Variants in PEAK1 observed in about 807,000 individuals in gnomAD.
PEAK1 encodes pseudopodium enriched atypical kinase 1, also known as inactive tyrosine-protein kinase PEAK1.
PEAK1 carries 54 observed loss-of-function variants against 124.7 expected under a neutral mutation model. The ratio of observed to expected loss-of-function variants is 0.43; its 90% CI spans 0.35 to 0.54. The LOEUF is 0.54. PEAK1 is among the 20% of genes least tolerant of loss of function. The pLI is 0.01. For synonymous variants in PEAK1, 719 were observed against 760.0 expected (o/e 0.95, Z 0.89); for missense variants, 2,046 against 2,134.5 (o/e 0.96, Z 0.82).
At chr15:77,403,461 G>A (rs949972976) in intron 1 of PEAK1, 3 of 932,048 alleles carry the variant, frequency 3.2e-6, no homozygotes, top group Admixed American at 1.2e-4. Context: ...AATTATTAAA[G>A]AGTTCTCATA....
At chr15:77,237,483 G>A (rs910447935) in intron 6 of PEAK1, among the ~76,000 whole-genome samples, 2 of 148,720 alleles carry the variant, frequency 1.3e-5, no homozygotes, top group African/African-American at 2.5e-5. Context: ...TGAACATGGC[G>A]CCTATAATTT....
intron 2 of PEAK1, chr15:77,355,922 T>G (rs1048132902): frequency 1.0e-6 from 1 of 985,254 alleles, no homozygotes; most frequent in African/African-American, 1.7e-5. Flanking sequence ...CTAGGACCCC[T>G]GTGTGTGGAA....
At chr15:77,311,695 A>G (rs947354367) in intron 2 of PEAK1, among the ~76,000 whole-genome samples, 9 of 151,288 alleles carry the variant, frequency 5.9e-5, no homozygotes, top group African/African-American at 2.2e-4. Context: ...CAAAAAAAAA[A>G]AAAAAAAAAA....
intron 6 of PEAK1, among the ~76,000 whole-genome samples, chr15:77,211,623 T>C (rs1024427236): frequency 3.3e-5 from 5 of 151,922 alleles, no homozygotes; most frequent in Non-Finnish European, 7.4e-5. Context: ...CCGAGGTGGG[T>C]CGATCATCTG....
chr15:77,233,663 C>T (rs1041385886), intron 6 of PEAK1, among the ~76,000 whole-genome samples: 3 of 152,134 alleles, frequency 2.0e-5, no homozygotes, highest in Non-Finnish European at 2.9e-5. Context: ...AATTTTATTT[C>T]CAGTCCATTT....
chr15:77,327,066 ATACT>A (rs1414192042), intron 2 of PEAK1, among the ~76,000 whole-genome samples: 1 of 152,162 alleles, frequency 6.6e-6, no homozygotes, highest in Middle Eastern at 3.2e-3. Flanking sequence ...AACATTTCTG[ATACT>A]TACCTGCTTT....
chr15:77,205,736 C>T (rs1237208150), intron 6 of PEAK1, among the ~76,000 whole-genome samples: 1 of 152,170 alleles, frequency 6.6e-6, no homozygotes, highest in African/African-American at 2.4e-5. Flanking sequence ...TGTGAAGATG[C>T]TTGATAGCCA....
At chr15:77,222,190 TAA>T (rs1013639261) in intron 6 of PEAK1, among the ~76,000 whole-genome samples, 52 of 152,072 alleles carry the variant, frequency 3.4e-4, no homozygotes, top group Admixed American at 9.8e-4. Flanking sequence ...AGTAGAAACA[TAA>T]AAAAATGAAA....
chr15:77,295,235 CTCT>C (rs757293283), intron 2 of PEAK1, among the ~76,000 whole-genome samples: 4 of 151,964 alleles, frequency 2.6e-5, no homozygotes, highest in Non-Finnish European at 5.9e-5. Context: ...ATGGCCTGTT[CTCT>C]TGAGTTTTTA....
Position 77,180,450 on chromosome 15 carries a change from C to A in PEAK1, c.1477G>T (p.Val493Phe), listed in dbSNP as rs1382028940. The change falls in exon 7 of 10, where the codon GTT becomes TTT. Residue 493 changes from valine (V) to phenylalanine (F), a missense_variant. Coordinates refer to ENST00000682557, the MANE Select transcript of PEAK1 (RefSeq NM_001385026.1). ...GAGCTTTTTGTCTTGGGGCTGTTAACAGGGCCCTCGAGGTGCTCACTGGCC... is the reference window on the plus strand; with the variant it reads ...GAGCTTTTTGTCTTGGGGCTGTTAAAAGGGCCCTCGAGGTGCTCACTGGCC... Reference protein sequence around the residue: ...AMASEHLEGPVNSPKTKSSSS... With the variant: ...AMASEHLEGPFNSPKTKSSSS... 1 of 1,614,082 alleles carries A rather than the reference C, an allele frequency of 6.2e-7. No homozygotes were observed. Among genetic ancestry groups the A allele is most frequent in the Non-Finnish European group, 8.5e-7 (1 of 1,180,016 alleles).
At position 77,145,660 on chromosome 15, in the gene PEAK1, TA is replaced by T. The variant is rs1027098846; in HGVS notation, c.3332-11911del. ...CTCATAGGTAGCTCACAGAATCTTT[TA>T]AAAAATCCTGATTGTGCCTCTACTC... On this transcript the variant is annotated intron_variant, in intron 8 of 9. Coordinates refer to ENST00000682557, the MANE Select transcript of PEAK1 (RefSeq NM_001385026.1). Among the ~76,000 whole-genome samples the T allele has an allele frequency of 2.0e-5, 3 of 152,128 alleles. No individual in the cohort carries two copies. In the East Asian group the frequency reaches 5.8e-4, roughly 29 times the overall value.
intron 1 of PEAK1, among the ~76,000 whole-genome samples, chr15:77,367,648 T>C (rs555370474): frequency 3.3e-5 from 5 of 152,376 alleles, no homozygotes; most frequent in African/African-American, 1.2e-4. Context: ...ATGTTAATAG[T>C]GCTTTGCTTT....
Position 77,414,204 on chromosome 15 carries a change from CTTCT to C in PEAK1, c.-666+5798_-666+5801del, listed in dbSNP as rs1271490591. Among the ~76,000 whole-genome samples the C allele has an allele frequency of 4.4e-5, 3 of 68,784 alleles. No individual in the cohort carries two copies. In the East Asian group the frequency reaches 9.0e-4, roughly 21 times the overall value. The allele number at this position is 68,784 out of a possible 152,430, so 45.1% of individuals were successfully genotyped here. On this transcript the variant is annotated intron_variant, in intron 1 of 9. Transcript: ENST00000682557. ...CCTTCTGTCTTTCCTTCCTTCTTTCCTTCTTTTTTTTTTTTTTTTTTTTGAGACA... is the reference window on the plus strand; with the variant it reads ...CCTTCTGTCTTTCCTTCCTTCTTTCCTTTTTTTTTTTTTTTTTTTGAGACA...
At chr15:77,248,066 G>T in intron 6 of PEAK1, among the ~76,000 whole-genome samples, 1 of 149,972 alleles carries the variant, frequency 6.7e-6, no homozygotes, top group African/African-American at 2.4e-5. Flanking sequence ...TATTAATTTT[G>T]TTTTTTTTTG....
At chr15:77,158,724 C>T in intron 7 of PEAK1, 28 bp from the exon 8 acceptor site, 7 of 1,604,384 alleles carry the variant, frequency 4.4e-6, no homozygotes, top group African/African-American at 1.3e-5. Context: ...ACTTGTCACA[C>T]TGGTATTGGA....
chr15:77,133,468 T>G lies in PEAK1; in HGVS notation c.3614A>C (p.Tyr1205Ser). 6.2e-7 allele frequency: 1 copy of G among 1,614,258 alleles called. No homozygotes were observed. Among genetic ancestry groups the G allele is most frequent in the Non-Finnish European group, 8.5e-7 (1 of 1,180,038 alleles). The change falls in exon 9 of 10, where the codon TAT (tyrosine) becomes TCT (serine). Residue 1205 changes from tyrosine (Y) to serine (S), a missense_variant. Transcript: ENST00000682557. This position sits in a 1 kb window ranked among gnomAD's most constrained non-coding sequence, Gnocchi z 4.2. ...DASSAGSSIS[Y>S]ELKGLDIESY... ...CTCAATGTCCAGTCCTTTGAGTTCA[T>G]AGCTGATGGAAGAACCAGCACTGCT...
chr15:77,327,247 G>A (rs1324451880), intron 2 of PEAK1, among the ~76,000 whole-genome samples: 6 of 152,008 alleles, frequency 3.9e-5, no homozygotes, highest in Admixed American at 6.6e-5. Context: ...TAATAACTAC[G>A]AAATCAAATA....
chr15:77,312,792 A>C (rs367893101), intron 2 of PEAK1, among the ~76,000 whole-genome samples: 1 of 152,202 alleles, frequency 6.6e-6, no homozygotes, highest in African/African-American at 2.4e-5. Context: ...ATGGAAAGAA[A>C]GCTCTCCCCA....
intron 6 of PEAK1, among the ~76,000 whole-genome samples, chr15:77,219,833 CTAAT>C (rs781072059): frequency 1.3e-5 from 2 of 152,086 alleles, no homozygotes; most frequent in Non-Finnish European, 2.9e-5. Context: ...CACTTTTTAA[CTAAT>C]TGAGACTCTA....
Sources: allele counts gnomAD v4.1 joint callset (sites outside exome capture counted in the v4.1 genomes callset), GRCh38; gene constraint gnomAD v4.1.1; non-coding constraint Gnocchi (gnomAD v3.1); transcripts MANE v1.5; gene names NCBI Gene and HGNC (gene_info 2026-07-23, HGNC 2026-07-21).